Variants in NALF1 observed in about 807,000 individuals in gnomAD.
NALF1 encodes the protein NALCN channel auxiliary factor 1.
A neutral mutation model predicts 48.4 loss-of-function variants in NALF1; 3 were observed. That is an observed-to-expected ratio of 0.06 (90% CI 0.03 to 0.16). The LOEUF (loss-of-function observed/expected upper bound fraction) is 0.16, where lower values mean the gene tolerates loss of function less well. NALF1 is among the 10% of genes least tolerant of loss of function. The pLI is 1.00. For missense variants in NALF1, 526 were observed against 571.5 expected (o/e 0.92, Z 0.81); for synonymous variants, 262 against 245.7 (o/e 1.07, Z -0.62).
At chr13:107,548,100 A>AT (rs2139126142) in intron 1 of NALF1, among the ~76,000 whole-genome samples, 2 of 151,964 alleles carry the variant, frequency 1.3e-5, no homozygotes, top group South Asian at 2.1e-4. Context: ...TCCAATAGTT[A>AT]TTTTTTCTGC....
intron 2 of NALF1, among the ~76,000 whole-genome samples, chr13:107,194,745 C>T (rs1266577584): frequency 6.6e-6 from 1 of 152,162 alleles, no homozygotes; most frequent in African/African-American, 2.4e-5. Flanking sequence ...AAGCCTTCTG[C>T]ACAGCAAAAG....
chr13:107,609,437 T>C (rs9520507), intron 1 of NALF1, among the ~76,000 whole-genome samples: 20,542 of 152,176 alleles, frequency 0.13, 1,559 homozygotes, highest in Middle Eastern at 0.23. Context: ...AGTCAGAACC[T>C]CTGGGATCTC....
At chr13:107,414,639 T>C (rs916976434) in intron 1 of NALF1, among the ~76,000 whole-genome samples, 19 of 152,058 alleles carry the variant, frequency 1.2e-4, no homozygotes, top group African/African-American at 4.3e-4. Context: ...ACATTATCTC[T>C]AAATAATAAT....
intron 1 of NALF1, among the ~76,000 whole-genome samples, chr13:107,499,150 ACTCCAG>A (rs1875433560): frequency 7.7e-6 from 1 of 130,138 alleles, no homozygotes; most frequent in Non-Finnish European, 1.6e-5. Flanking sequence ...AAATGAATTA[ACTCCAG>A]AAGTTAAAAA....
intron 1 of NALF1, among the ~76,000 whole-genome samples, chr13:107,355,390 A>G (rs1882944943): frequency 6.6e-6 from 1 of 152,084 alleles, no homozygotes; most frequent in East Asian, 1.9e-4. Flanking sequence ...TTGGTCTTGT[A>G]ATCCACTAAT....
At chr13:107,240,936 G>C (rs1434885447) in intron 1 of NALF1, among the ~76,000 whole-genome samples, 1 of 150,706 alleles carries the variant, frequency 6.6e-6, no homozygotes, top group Non-Finnish European at 1.5e-5. Flanking sequence ...GAATGCCTGA[G>C]ACTGGGAAAT....
At chr13:107,597,860 C>G (rs1878800331) in intron 1 of NALF1, among the ~76,000 whole-genome samples, 1 of 152,132 alleles carries the variant, frequency 6.6e-6, no homozygotes, top group African/African-American at 2.4e-5. Context: ...TGTTTTTCAT[C>G]TGGTAGTTAA....
chr13:107,547,826 T>C (rs902595086), intron 1 of NALF1, among the ~76,000 whole-genome samples: 1 of 152,166 alleles, frequency 6.6e-6, no homozygotes, highest in African/African-American at 2.4e-5. Flanking sequence ...AGATTATTGG[T>C]AGAACAAAAC....
At chr13:107,297,765 A>G (rs1417031249) in intron 1 of NALF1, among the ~76,000 whole-genome samples, 1 of 152,216 alleles carries the variant, frequency 6.6e-6, no homozygotes, top group African/African-American at 2.4e-5. Context: ...TGACTTCTTA[A>G]GTTATTTAAC....
intron 1 of NALF1, among the ~76,000 whole-genome samples, chr13:107,533,007 A>T (rs1437086816): frequency 1.3e-5 from 2 of 152,152 alleles, no homozygotes; most frequent in African/African-American, 4.8e-5. Flanking sequence ...TAAGCTGGAA[A>T]TTTAAAACAT....
intron 1 of NALF1, among the ~76,000 whole-genome samples, chr13:107,405,428 G>T (rs926401794): frequency 1.3e-5 from 2 of 152,028 alleles, no homozygotes; most frequent in African/African-American, 4.8e-5. Flanking sequence ...CCCAAGTCTA[G>T]TGCCTTGAAG....
At chr13:107,679,588 G>A (rs761289487) in intron 1 of NALF1, among the ~76,000 whole-genome samples, 5 of 152,196 alleles carry the variant, frequency 3.3e-5, no homozygotes, top group Non-Finnish European at 5.9e-5. Flanking sequence ...TGGAGGGCAT[G>A]CACCTTCCTC....
chr13:107,818,738 A>G (rs9587440), intron 1 of NALF1, among the ~76,000 whole-genome samples: 7,047 of 138,832 alleles, frequency 0.051, 362 homozygotes, highest in African/African-American at 0.14. Context: ...CGGGCGTGGT[A>G]GCGGGCGCCT....
At chr13:107,572,867 A>G in intron 1 of NALF1, among the ~76,000 whole-genome samples, 1 of 152,294 alleles carries the variant, frequency 6.6e-6, no homozygotes, top group South Asian at 2.1e-4. Context: ...CATATGTCAA[A>G]TCATGTCACT....
intron 1 of NALF1, among the ~76,000 whole-genome samples, chr13:107,246,323 T>C (rs934523117): frequency 1.3e-5 from 2 of 152,332 alleles, no homozygotes; most frequent in African/African-American, 4.8e-5. Flanking sequence ...TCAATAGTTA[T>C]TAAGTTGTGA....
At chr13:107,218,998 C>T (rs1879935619) in intron 1 of NALF1, among the ~76,000 whole-genome samples, 2 of 152,108 alleles carry the variant, frequency 1.3e-5, no homozygotes. Flanking sequence ...ATTAACTTCA[C>T]AGTAAATAAG....
intron 2 of NALF1, among the ~76,000 whole-genome samples, chr13:107,209,598 T>C (rs1879716850): frequency 6.6e-6 from 1 of 152,200 alleles, no homozygotes. Context: ...GGCTAATGAA[T>C]ACGTATGTAA....
At chr13:107,228,209 A>T (rs1880145004) in intron 1 of NALF1, among the ~76,000 whole-genome samples, 3 of 152,248 alleles carry the variant, frequency 2.0e-5, no homozygotes, top group Admixed American at 6.5e-5. Context: ...GTAATGAAGC[A>T]GCATGGAATT....
chr13:107,746,764 T>A (rs2138548881), intron 1 of NALF1, among the ~76,000 whole-genome samples: 1 of 152,306 alleles, frequency 6.6e-6, no homozygotes, highest in South Asian at 2.1e-4. Context: ...TTCTGGCCCC[T>A]CTTTTCTGTT....
Sources: allele counts gnomAD v4.1 joint callset (sites outside exome capture counted in the v4.1 genomes callset), GRCh38; gene constraint gnomAD v4.1.1; transcripts MANE v1.5; gene names NCBI Gene and HGNC (gene_info 2026-07-23, HGNC 2026-07-21).